PCDHA1: variants seen among roughly 807,000 people sequenced by gnomAD.
PCDHA1 encodes protocadherin alpha 1.
Under a neutral mutation model 61.3 loss-of-function variants are expected in PCDHA1, and 42 were observed. The ratio of observed to expected loss-of-function variants is 0.69; its 90% CI spans 0.54 to 0.89. PCDHA1 has a LOEUF of 0.89. PCDHA1 is among the 40% of genes least tolerant of loss of function. The pLI, the probability that PCDHA1 is intolerant of heterozygous loss-of-function variation, is 0.00. For missense variants in PCDHA1, 1,256 were observed against 1,235.3 expected (o/e 1.02, Z -0.25); for synonymous variants, 610 against 553.8 (o/e 1.10, Z -1.43).
rs963313279 is a variant in PCDHA1, at chr5:140,848,520, C to A, written c.2394+59836C>A. On this transcript the variant is annotated intron_variant, in intron 1 of 3. Coordinates refer to ENST00000504120, the MANE Select transcript of PCDHA1 (RefSeq NM_018900.4). Reference sequence around the variant, plus strand: ...AATGTTATACTCAAGTCGAGGAGATCCAGAGGGTCAGCCTCTACTGCTCTC... The same window carrying A: ...AATGTTATACTCAAGTCGAGGAGATACAGAGGGTCAGCCTCTACTGCTCTC... The A allele has an allele frequency of 3.1e-6, 5 of 1,592,812 alleles. 1 individual carries two copies. The Admixed American group carries it at 5.1e-5, about 16-fold the overall frequency.
chr5:140,854,993 C>T lies in PCDHA1; in HGVS notation c.2394+66309C>T, dbSNP rs781816835. Among the ~76,000 whole-genome samples, 37 of 149,404 alleles carry T rather than the reference C, an allele frequency of 2.5e-4. 3 individuals carry two copies. The highest frequency in any genetic ancestry group is 4.7e-4 in the Admixed American group (7 of 14,878). ...AATTATAATTAAGATTCTTTTTGCC[C>T]GTGTAAGATATTATAAAATGAAACT... is the stretch of plus-strand genomic sequence containing the variant. On this transcript the variant is annotated intron_variant, in intron 1 of 3. Coordinates refer to ENST00000504120, the MANE Select transcript of PCDHA1 (RefSeq NM_018900.4).
At chr5:140,926,861 G>T in intron 1 of PCDHA1, 1 of 1,522,578 alleles carries the variant, frequency 6.6e-7, no homozygotes, top group Non-Finnish European at 8.8e-7. Flanking sequence ...TTGGTGTAGC[G>T]TGTTGGTGGA....
chr5:140,849,488 T>C, intron 1 of PCDHA1: 2 of 1,592,030 alleles, frequency 1.3e-6, no homozygotes, highest in South Asian at 1.1e-5. Flanking sequence ...CACCCCTGGC[T>C]GGTCATTGTA....
rs1166002941 is a variant in PCDHA1 at position 141,000,351 on chromosome 5, G to A, written c.2543-9276G>A. ...ACAGCAAGGCCCTATCTCTCTCTCT[G>A]TCTCTCTCTGTCTCTCTCTCTCTCT... On this transcript the variant is annotated intron_variant, in intron 3 of 3. Transcript: ENST00000504120. Among the ~76,000 whole-genome samples the A allele has an allele frequency of 6.0e-5, 4 of 66,852 alleles. No homozygotes were observed. The Admixed American group carries it at 6.5e-4, about 11-fold the overall frequency. 43.9% of individuals were successfully genotyped at this position (66,852 alleles called of 152,430 possible).
chr5:140,815,441 A>G (rs2126664246), intron 1 of PCDHA1: 2 of 152,274 alleles, frequency 1.3e-5, no homozygotes, highest in East Asian at 3.9e-4. Flanking sequence ...CATCTTTACT[A>G]CAATCACAAA....
Position 140,947,404 on chromosome 5 carries a change from T to C in PCDHA1, c.2395-31545T>C, listed in dbSNP as rs1305199507. On this transcript the variant is annotated intron_variant, in intron 1 of 3. Transcript: ENST00000504120. ...ATCCTTTCACTAAAAGTAGACTGTC[T>C]TGATATTGTAGCTTTATAAATTTGA... is the stretch of plus-strand genomic sequence containing the variant. Among the ~76,000 whole-genome samples the C allele has an allele frequency of 2.6e-5, 4 of 151,736 alleles. No individual in the cohort carries two copies. In the East Asian group the frequency reaches 5.8e-4, roughly 22 times the overall value.
chr5:140,947,146 A>G (rs1253300651), intron 1 of PCDHA1, among the ~76,000 whole-genome samples: 2 of 151,546 alleles, frequency 1.3e-5, no homozygotes, highest in Non-Finnish European at 1.5e-5. Context: ...ATGTATAGTT[A>G]CTTCCACGGG....
intron 1 of PCDHA1, among the ~76,000 whole-genome samples, chr5:140,975,626 G>A (rs1234889198): frequency 6.6e-6 from 1 of 152,156 alleles, no homozygotes; most frequent in African/African-American, 2.4e-5. Flanking sequence ...GATTTCCATG[G>A]TACGAAGATA....
intron 1 of PCDHA1, among the ~76,000 whole-genome samples, chr5:140,820,411 T>C (rs2150106825): frequency 0.077 from 11,651 of 152,094 alleles, 630 homozygotes; most frequent in Non-Finnish European, 0.11. Flanking sequence ...ATTTTAAATG[T>C]AAAAGTATCC....
At chr5:140,812,491 A>G (rs1765118716) in intron 1 of PCDHA1, 2 of 152,004 alleles carry the variant, frequency 1.3e-5, no homozygotes. Context: ...AATCTTTATT[A>G]TAGTATTTCC....
intron 1 of PCDHA1, chr5:140,821,740 A>G: frequency 6.4e-7 from 1 of 1,551,082 alleles, no homozygotes. Context: ...TTGTGTGGTG[A>G]TGCAATAGAA....
At chr5:140,909,045 G>A (rs1407145935) in intron 1 of PCDHA1, among the ~76,000 whole-genome samples, 1 of 152,112 alleles carries the variant, frequency 6.6e-6, no homozygotes, top group African/African-American at 2.4e-5. Flanking sequence ...TCCATACTCT[G>A]GCATGCAAAT....
rs116104145 is a variant in PCDHA1, at chr5:140,901,150, A to G, written c.2395-77799A>G. Among the ~76,000 whole-genome samples, 839 of 152,012 alleles carry G rather than the reference A, an allele frequency of 5.5e-3. 12 individuals carry two copies. Among genetic ancestry groups the G allele is most frequent in the African/African-American group, 0.019 (783 of 41,484 alleles). On this transcript the variant is annotated intron_variant, in intron 1 of 3. Transcript: ENST00000504120. ...GGTAGATTGTAAATATTTTCTCTCA[A>G]TCTGTGGGTTGTCTCTTCACTTTGT...
rs1554231011 is a variant in PCDHA1 at position 140,968,738 on chromosome 5, C to G, written c.2395-10211C>G. 10 of 1,614,040 alleles carry G rather than the reference C, an allele frequency of 6.2e-6. No individual in the cohort carries two copies. The Admixed American group carries it at 6.7e-5, about 11-fold the overall frequency. On this transcript the variant is annotated intron_variant, in intron 1 of 3. Transcript: ENST00000504120. ...AGATGAGAGTGGTAGCACTTTCAAC[C>G]TGACCGTGGTGGTCCGAGATAATGG...
chr5:140,795,252 C>T, intron 1 of PCDHA1: 1 of 1,614,200 alleles, frequency 6.2e-7, no homozygotes, highest in Non-Finnish European at 8.5e-7. Context: ...AGGAGCTGTG[C>T]GGGCGGAGCG....
intron 1 of PCDHA1, chr5:140,802,676 G>C (rs541522479): frequency 6.2e-7 from 1 of 1,613,260 alleles, no homozygotes; most frequent in Admixed American, 1.7e-5. Flanking sequence ...TGTCCTACTC[G>C]CTGGTGGAAC....
rs186453463 is a variant in PCDHA1 at position 140,951,770 on chromosome 5, C to T, written c.2395-27179C>T. On this transcript the variant is annotated intron_variant, in intron 1 of 3. Transcript: ENST00000504120. ...ACCCTCCGCGAAATCTCATGACGTT[C>T]TTACATTGCAAAATACAATTATCCC... 1.6e-3 allele frequency among the ~76,000 whole-genome samples: 247 copies of T among 152,268 alleles called. 1 individual carries two copies. The highest frequency in any genetic ancestry group is 5.5e-3 in the African/African-American group (229 of 41,576).
chr5:140,786,888 T>C lies in PCDHA1; in HGVS notation c.598T>C (p.Leu200=). ...TCTTTGGCTTGAATTGAGAAAATAT[T>C]TGGATAGAGAAGAAACACCAGAACT... ...KSLWLELRKY[L]DREETPELHL... The change falls in exon 1 of 4, where the codon TTG becomes CTG. Residue 200 remains leucine (L), a synonymous_variant. Transcript: ENST00000504120. The C allele has an allele frequency of 1.2e-6, 2 of 1,614,104 alleles. No homozygotes were observed. Among genetic ancestry groups the C allele is most frequent in the East Asian group, 2.2e-5 (1 of 44,882 alleles).
chr5:141,000,395 C>CTCTATAAA (rs1213762225), intron 3 of PCDHA1, among the ~76,000 whole-genome samples: 2 of 53,986 alleles, frequency 3.7e-5, no homozygotes, highest in African/African-American at 1.5e-4. Context: ...CTCTCTCTCT[C>CTCTATAAA]TATATATATA....
Sources: allele counts gnomAD v4.1 joint callset (sites outside exome capture counted in the v4.1 genomes callset), GRCh38; gene constraint gnomAD v4.1.1; transcripts MANE v1.5; gene names NCBI Gene and HGNC (gene_info 2026-07-23, HGNC 2026-07-21).